Variants in MAP7 observed in about 807,000 individuals in gnomAD.
The protein encoded by MAP7 is ensconsin.
In MAP7, 52 loss-of-function variants were observed where a neutral mutation model predicts 94.8. The ratio of observed to expected loss-of-function variants is 0.55; its 90% CI spans 0.44 to 0.69. The LOEUF is 0.69. Among genes scored for constraint, MAP7 ranks in the 30% least tolerant of loss-of-function variants. MAP7 has a pLI of 0.00. For missense variants in MAP7, 940 were observed against 964.6 expected, an observed-to-expected ratio of 0.97 and a Z score of 0.34; for synonymous variants, 350 against 357.0, an observed-to-expected ratio of 0.98 and a Z score of 0.22.
intron 1 of MAP7, among the ~76,000 whole-genome samples, chr6:136,424,515 T>C (rs1166198616): frequency 6.6e-6 from 1 of 152,176 alleles, no homozygotes; most frequent in East Asian, 1.9e-4. Context: ...GGGACTCTCT[T>C]TCCAACATAC....
chr6:136,405,107 T>C (rs1785199874), intron 3 of MAP7, among the ~76,000 whole-genome samples: 1 of 152,224 alleles, frequency 6.6e-6, no homozygotes, highest in Non-Finnish European at 1.5e-5. Flanking sequence ...TTTTAACTAA[T>C]ATGCAATACC....
chr6:136,537,817 C>T (rs1234027319), intron 1 of MAP7, among the ~76,000 whole-genome samples: 7 of 146,368 alleles, frequency 4.8e-5, no homozygotes, highest in Middle Eastern at 3.5e-3. Context: ...GATGGAGTTT[C>T]GCTTTTGTTG....
At chr6:136,464,129 A>G (rs931337194) in intron 1 of MAP7, among the ~76,000 whole-genome samples, 4 of 152,194 alleles carry the variant, frequency 2.6e-5, no homozygotes, top group African/African-American at 9.7e-5. Flanking sequence ...GGAGTATTCA[A>G]TTTAACTATC....
At chr6:136,417,630 C>A (rs753391208) in intron 2 of MAP7, among the ~76,000 whole-genome samples, 1 of 152,178 alleles carries the variant, frequency 6.6e-6, no homozygotes, top group African/African-American at 2.4e-5. Context: ...TATTATGCCT[C>A]TTTTTCAAAT....
intron 1 of MAP7, among the ~76,000 whole-genome samples, chr6:136,519,660 G>A (rs1393771977): frequency 1.3e-5 from 2 of 152,174 alleles, no homozygotes; most frequent in African/African-American, 2.4e-5. Flanking sequence ...AAGAAGAGAA[G>A]TCACTGCAGG....
At chr6:136,404,012 T>C (rs1784899284) in intron 3 of MAP7, among the ~76,000 whole-genome samples, 1 of 152,198 alleles carries the variant, frequency 6.6e-6, no homozygotes, top group South Asian at 2.1e-4. Flanking sequence ...CCATTAGATA[T>C]TTGGATTAGA....
chr6:136,429,813 G>A (rs1298120246), intron 1 of MAP7, among the ~76,000 whole-genome samples: 1 of 152,122 alleles, frequency 6.6e-6, no homozygotes, highest in East Asian at 1.9e-4. Context: ...CAGCCAGATG[G>A]CAACACTAAA....
intron 1 of MAP7, among the ~76,000 whole-genome samples, chr6:136,477,997 CAAG>C (rs1393282601): frequency 2.0e-5 from 3 of 152,050 alleles, no homozygotes; most frequent in Non-Finnish European, 4.4e-5. Context: ...AAACCAATAG[CAAG>C]AAGAATTTTG....
chr6:136,407,138 T>C (rs927434252), intron 3 of MAP7, among the ~76,000 whole-genome samples: 5 of 152,258 alleles, frequency 3.3e-5, no homozygotes, highest in African/African-American at 1.2e-4. Flanking sequence ...TCATTATTGC[T>C]ATTATTTCAC....
rs1405159650 is a variant in MAP7 at position 136,372,595 on chromosome 6, T to C, written c.782A>G (p.Lys261Arg). ...ASCSPIIMPY[K>R]AAHSRNSMDR... ...CATCGAATTTCTAGAGTGTGCAGCTTTGTAGGGCATGATGATGGGGCTGCA... is the reference window on the plus strand; with the variant it reads ...CATCGAATTTCTAGAGTGTGCAGCTCTGTAGGGCATGATGATGGGGCTGCA... The change falls in exon 8 of 18, where the codon AAA becomes AGA. Residue 261 changes from lysine to arginine, a missense_variant. Lys to Arg is a conservative substitution (Grantham distance 26). Transcript: ENST00000354570. 6.2e-7 allele frequency: 1 copy of C among 1,614,088 alleles called. No homozygotes were observed.
intron 1 of MAP7, among the ~76,000 whole-genome samples, chr6:136,454,245 C>G (rs1221547000): frequency 6.6e-6 from 1 of 151,942 alleles, no homozygotes; most frequent in South Asian, 2.1e-4. Context: ...GATTTAAATG[C>G]TCATGAAGAC....
intron 1 of MAP7, among the ~76,000 whole-genome samples, chr6:136,446,116 C>A (rs1799244041): frequency 1.3e-5 from 2 of 152,268 alleles, no homozygotes; most frequent in South Asian, 2.1e-4. Flanking sequence ...TTTACTGATT[C>A]ATTATAAAGC....
chr6:136,501,542 A>T (rs1290106787), intron 1 of MAP7, among the ~76,000 whole-genome samples: 6 of 152,112 alleles, frequency 3.9e-5, no homozygotes, highest in Non-Finnish European at 8.8e-5. Context: ...TAAATATTAT[A>T]ATGCTGGAAA....
chr6:136,474,295 T>C (rs1810098210), intron 1 of MAP7, among the ~76,000 whole-genome samples: 1 of 152,234 alleles, frequency 6.6e-6, no homozygotes, highest in African/African-American at 2.4e-5. Flanking sequence ...AAATCTGTCC[T>C]ATTAGTCTAA....
chr6:136,372,433 C>A lies in MAP7; in HGVS notation c.876+68G>T. Reference sequence around the variant, plus strand: ...TTACGCCCACACCACAGCTCAGGGTCATGTACAGTCTGCACAGGAACAGCA... The same window carrying A: ...TTACGCCCACACCACAGCTCAGGGTAATGTACAGTCTGCACAGGAACAGCA... On this transcript the variant is annotated intron_variant, in intron 8 of 17. Coordinates refer to ENST00000354570, the MANE Select transcript of MAP7 (RefSeq NM_003980.6). 3 of 1,589,492 alleles carry A rather than the reference C, an allele frequency of 1.9e-6. No individual in the cohort carries two copies. The South Asian group carries it at 3.4e-5, about 18-fold the overall frequency.
At chr6:136,422,922 A>G (rs1430833639) in intron 1 of MAP7, among the ~76,000 whole-genome samples, 1 of 152,236 alleles carries the variant, frequency 6.6e-6, no homozygotes, top group Non-Finnish European at 1.5e-5. Flanking sequence ...AGCAAAAGAC[A>G]CAGACAGACC....
At chr6:136,409,050 T>C (rs1189494653) in intron 3 of MAP7, among the ~76,000 whole-genome samples, 2 of 148,006 alleles carry the variant, frequency 1.4e-5, no homozygotes, top group Non-Finnish European at 3.0e-5. Flanking sequence ...ATGGTTTAAA[T>C]GGAAAAAAAA....
rs150695158 is a variant in MAP7 at position 136,431,788 on chromosome 6, G to A, written c.68-9989C>T. Among the ~76,000 whole-genome samples, 154 of 152,258 alleles carry A rather than the reference G, an allele frequency of 1.0e-3. 1 individual carries two copies. The highest frequency in any genetic ancestry group is 3.6e-3 in the African/African-American group (148 of 41,538). On this transcript the variant is annotated intron_variant, in intron 1 of 17. Coordinates refer to ENST00000354570, the MANE Select transcript of MAP7 (RefSeq NM_003980.6). The stretch of plus-strand genomic sequence containing the variant: ...GCACCTCGGACTTCCAGAGTGATGG[G>A]ATTACAGGCGTGAGCCACTGTGCCC...
At chr6:136,523,786 G>A (rs1827084764) in intron 1 of MAP7, among the ~76,000 whole-genome samples, 1 of 152,036 alleles carries the variant, frequency 6.6e-6, no homozygotes, top group Non-Finnish European at 1.5e-5. Flanking sequence ...GAAACTCCTT[G>A]ATTAAGTCTC....
Sources: gnomAD v4.1 joint callset for allele counts (sites outside exome capture counted in the v4.1 genomes callset) on GRCh38, gnomAD v4.1.1 for gene constraint, MANE v1.5 for transcripts, NCBI Gene and HGNC (gene_info 2026-07-23, HGNC 2026-07-21) for gene names.